CNTNAP5: variants seen among roughly 807,000 people sequenced by gnomAD.
CNTNAP5 encodes contactin-associated protein-like 5.
Under a neutral mutation model 150.2 loss-of-function variants are expected in CNTNAP5, and 72 were observed. The observed-to-expected ratio is 0.48, with a 90% confidence interval of 0.40 to 0.58. The LOEUF is 0.58. CNTNAP5 is among the 20% of genes least tolerant of loss of function. The probability of loss-of-function intolerance (pLI) is 0.00; values close to 1 mark genes in which losing one functional copy is unlikely to be tolerated. For missense variants in CNTNAP5, 1,636 were observed against 1,626.2 expected, an observed-to-expected ratio of 1.01 and a Z score of -0.10; for synonymous variants, 672 against 619.8, an observed-to-expected ratio of 1.08 and a Z score of -1.25.
intron 7 of CNTNAP5, among the ~76,000 whole-genome samples, chr2:124,487,800 T>A (rs1372517458): frequency 6.6e-6 from 1 of 152,116 alleles, no homozygotes; most frequent in Non-Finnish European, 1.5e-5. Flanking sequence ...TAGGCTTTTT[T>A]TTCCCCCATG....
chr2:124,387,381 A>C (rs1690956420), intron 3 of CNTNAP5, among the ~76,000 whole-genome samples: 1 of 152,244 alleles, frequency 6.6e-6, no homozygotes. Context: ...GTCCATGTGA[A>C]GAGACTACCA....
In CNTNAP5 at chr2:124,057,534, C is replaced by T. The variant is rs1004066023; in HGVS notation, c.82+31802C>T. Among the ~76,000 whole-genome samples, 9 of 145,868 alleles carry T rather than the reference C, an allele frequency of 6.2e-5. No homozygotes were observed. In the Admixed American group the frequency reaches 6.4e-4, roughly 10 times the overall value. On this transcript the variant is annotated intron_variant, in intron 1 of 23. Transcript: ENST00000682447. ...CTGGATCTCCTGACCTCGTGATCCG[C>T]CCGCCTTGGACTCCCAAAGTGCTGG...
intron 5 of CNTNAP5, among the ~76,000 whole-genome samples, chr2:124,439,258 C>A (rs1362851652): frequency 1.3e-5 from 2 of 152,030 alleles, no homozygotes; most frequent in African/African-American, 4.8e-5. Context: ...TTCATAAATT[C>A]TGTCATTATG....
At chr2:124,581,748 A>C (rs750951043) in intron 11 of CNTNAP5, among the ~76,000 whole-genome samples, 25 of 152,166 alleles carry the variant, frequency 1.6e-4, no homozygotes, top group Non-Finnish European at 3.2e-4. Flanking sequence ...ACTTAATAGG[A>C]AGAAATGTGA....
chr2:124,040,954 T>C (rs989923389), intron 1 of CNTNAP5, among the ~76,000 whole-genome samples: 5 of 152,204 alleles, frequency 3.3e-5, no homozygotes, highest in Non-Finnish European at 7.3e-5. Flanking sequence ...AGTGCATTCT[T>C]GGTTTTGTCC....
intron 1 of CNTNAP5, among the ~76,000 whole-genome samples, chr2:124,060,119 AG>A (rs1681966794): frequency 6.6e-6 from 1 of 152,182 alleles, no homozygotes; most frequent in Non-Finnish European, 1.5e-5. Flanking sequence ...TAGTGTGTTC[AG>A]GGTGGCCCCT....
chr2:124,585,151 GA>G, intron 11 of CNTNAP5, among the ~76,000 whole-genome samples: 1 of 152,162 alleles, frequency 6.6e-6, no homozygotes, highest in East Asian at 1.9e-4. Context: ...CACACTGCAG[GA>G]TGGCTGGTAC....
At chr2:124,737,000 T>G (rs528619326) in intron 13 of CNTNAP5, among the ~76,000 whole-genome samples, 1 of 152,206 alleles carries the variant, frequency 6.6e-6, no homozygotes, top group South Asian at 2.1e-4. Context: ...TCAGTACTCT[T>G]AAGAACAATA....
chr2:124,342,990 C>A (rs1689655454), intron 3 of CNTNAP5, among the ~76,000 whole-genome samples: 1 of 152,020 alleles, frequency 6.6e-6, no homozygotes, highest in Admixed American at 6.6e-5. Flanking sequence ...TGTCAAAGTT[C>A]TTTTTATTTT....
chr2:124,751,538 C>T (rs1299745987), intron 14 of CNTNAP5, among the ~76,000 whole-genome samples: 1 of 152,198 alleles, frequency 6.6e-6, no homozygotes, highest in Admixed American at 6.5e-5. Context: ...AGGAAAAATA[C>T]AAAAGCTAAC....
At chr2:124,260,810 G>A (rs1011559726) in intron 3 of CNTNAP5, among the ~76,000 whole-genome samples, 8 of 152,102 alleles carry the variant, frequency 5.3e-5, no homozygotes, top group African/African-American at 1.9e-4. Flanking sequence ...ACCATCCAAT[G>A]CAAAATATGT....
intron 1 of CNTNAP5, among the ~76,000 whole-genome samples, chr2:124,185,551 G>T (rs575680529): frequency 6.6e-6 from 1 of 152,282 alleles, no homozygotes; most frequent in Non-Finnish European, 1.5e-5. Context: ...ACCATACAGA[G>T]GTGTGATTTC....
At chr2:124,803,309 A>G (rs1682011494) in intron 19 of CNTNAP5, among the ~76,000 whole-genome samples, 1 of 152,176 alleles carries the variant, frequency 6.6e-6, no homozygotes, top group South Asian at 2.1e-4. Flanking sequence ...AGTGTTCTCC[A>G]GCAGACATTA....
intron 13 of CNTNAP5, among the ~76,000 whole-genome samples, chr2:124,683,209 A>G (rs1054258747): frequency 6.6e-6 from 1 of 152,110 alleles, no homozygotes. Flanking sequence ...ACTCTCCCAT[A>G]TACTATGTAG....
chr2:124,910,426 C>T (rs933487736), intron 22 of CNTNAP5, among the ~76,000 whole-genome samples: 1 of 151,964 alleles, frequency 6.6e-6, no homozygotes, highest in African/African-American at 2.4e-5. Context: ...CTTACAAAAC[C>T]TTTTAAGGCA....
At chr2:124,663,244 G>C (rs77724390) in intron 13 of CNTNAP5, among the ~76,000 whole-genome samples, 1 of 152,304 alleles carries the variant, frequency 6.6e-6, no homozygotes, top group East Asian at 1.9e-4. Context: ...AATCAGCCAT[G>C]TCGCCAGCTG....
chr2:124,667,874 A>G (rs17392884), intron 13 of CNTNAP5, among the ~76,000 whole-genome samples: 43,309 of 152,158 alleles, frequency 0.28, 6,729 homozygotes, highest in Non-Finnish European at 0.35. Flanking sequence ...GGAAGCTAAG[A>G]GTGGCATCCT....
chr2:124,197,743 A>C (rs1028240257), intron 1 of CNTNAP5, among the ~76,000 whole-genome samples: 1 of 152,132 alleles, frequency 6.6e-6, no homozygotes, highest in African/African-American at 2.4e-5. Context: ...GCACTTTGGG[A>C]GCCTGAGGCG....
At chr2:124,778,226 G>A (rs1284856663) in intron 17 of CNTNAP5, among the ~76,000 whole-genome samples, 1 of 152,158 alleles carries the variant, frequency 6.6e-6, no homozygotes, top group Non-Finnish European at 1.5e-5. Context: ...AGAGGTGGCT[G>A]AGGCTGTAAC....
Sources: gnomAD v4.1 joint callset for allele counts (sites outside exome capture counted in the v4.1 genomes callset) on GRCh38, gnomAD v4.1.1 for gene constraint, MANE v1.5 for transcripts, NCBI Gene and HGNC (gene_info 2026-07-23, HGNC 2026-07-21) for gene names.